Variants in KAT6B observed in about 807,000 individuals in gnomAD.
KAT6B encodes the protein lysine acetyltransferase 6B.
A neutral mutation model predicts 187.5 loss-of-function variants in KAT6B; 10 were observed. The observed-to-expected ratio is 0.05, with a 90% CI of 0.03 to 0.09. KAT6B has a LOEUF of 0.09. Among genes scored for constraint, KAT6B ranks in the 10% least tolerant of loss-of-function variants. The pLI is 1.00. For missense variants in KAT6B, 1,952 were observed against 2,558.9 expected (o/e 0.76, Z 5.12); for synonymous variants, 861 against 926.8 (o/e 0.93, Z 1.29).
chr10:75,001,482 T>A (rs1589786612), intron 13 of KAT6B, among the ~76,000 whole-genome samples: 1 of 117,298 alleles, frequency 8.5e-6, no homozygotes, highest in African/African-American at 5.6e-5. Flanking sequence ...TCATATCCAC[T>A]CTCTCAGAGA....
intron 3 of KAT6B, among the ~76,000 whole-genome samples, chr10:74,919,724 T>C (rs1827729805): frequency 6.6e-6 from 1 of 152,134 alleles, no homozygotes; most frequent in Admixed American, 6.6e-5. Flanking sequence ...TCTTTTAATC[T>C]CATTTTCAGT....
At chr10:74,916,659 T>G (rs537020994) in intron 3 of KAT6B, among the ~76,000 whole-genome samples, 13 of 152,318 alleles carry the variant, frequency 8.5e-5, no homozygotes, top group African/African-American at 3.1e-4. Flanking sequence ...ACACAATTGA[T>G]TTGGTGGGCA....
intron 3 of KAT6B, among the ~76,000 whole-genome samples, chr10:74,868,990 C>CA (rs1245712774): frequency 6.6e-6 from 1 of 152,186 alleles, no homozygotes; most frequent in Non-Finnish European, 1.5e-5. Context: ...TTCTGAACCA[C>CA]AGTTTTACAA....
intron 3 of KAT6B, among the ~76,000 whole-genome samples, chr10:74,920,604 C>T (rs1848037743): frequency 6.6e-6 from 1 of 152,018 alleles, no homozygotes; most frequent in East Asian, 1.9e-4. Context: ...AATACGTTTT[C>T]AACCAGATCA....
chr10:74,979,636 TA>T (rs79915119), intron 10 of KAT6B, among the ~76,000 whole-genome samples: 461 of 141,324 alleles, frequency 3.3e-3, no homozygotes, highest in African/African-American at 3.5e-3. Flanking sequence ...GAAACCAAAT[TA>T]AAAAAAAAAA....
At chr10:74,862,401 C>G (rs1843244162) in intron 3 of KAT6B, among the ~76,000 whole-genome samples, 1 of 152,056 alleles carries the variant, frequency 6.6e-6, no homozygotes, top group Non-Finnish European at 1.5e-5. Flanking sequence ...CCAGTGGTTC[C>G]CAAACTTTGC....
intron 3 of KAT6B, among the ~76,000 whole-genome samples, chr10:74,861,552 C>T (rs1282663476): frequency 1.3e-5 from 2 of 152,120 alleles, no homozygotes; most frequent in African/African-American, 2.4e-5. Context: ...AAAGGACTTG[C>T]CCAAGATTAC....
intron 4 of KAT6B, among the ~76,000 whole-genome samples, chr10:74,962,067 C>T (rs530311382): frequency 5.9e-5 from 9 of 152,230 alleles, no homozygotes; most frequent in East Asian, 5.8e-4. Flanking sequence ...CGATGGGATC[C>T]GGCTCTAGTG....
intron 3 of KAT6B, among the ~76,000 whole-genome samples, chr10:74,891,725 G>A (rs755978592): frequency 9.9e-5 from 15 of 152,216 alleles, no homozygotes; most frequent in Non-Finnish European, 2.2e-4. Flanking sequence ...GCAGATTGTG[G>A]TAGTGATCAG....
chr10:74,975,228 C>T (rs1302595937), intron 7 of KAT6B, among the ~76,000 whole-genome samples, 171 bp from the exon 8 acceptor site: 3 of 152,160 alleles, frequency 2.0e-5, no homozygotes, highest in Non-Finnish European at 2.9e-5. Context: ...CATGTAAATG[C>T]AGTTGCTGCT....
intron 4 of KAT6B, among the ~76,000 whole-genome samples, chr10:74,962,045 C>T (rs1267412716): frequency 2.0e-5 from 3 of 152,160 alleles, no homozygotes; most frequent in East Asian, 1.9e-4. Flanking sequence ...CAGAGTGCTT[C>T]TCTGGACTCT....
chr10:74,987,918 A>G (rs1842916640), intron 12 of KAT6B, among the ~76,000 whole-genome samples: 1 of 152,270 alleles, frequency 6.6e-6, no homozygotes, highest in South Asian at 2.1e-4. Flanking sequence ...GTGCACATCC[A>G]GTGAGGGACA....
intron 13 of KAT6B, among the ~76,000 whole-genome samples, chr10:75,014,863 A>G (rs1844872075): frequency 1.3e-5 from 2 of 152,154 alleles, no homozygotes; most frequent in Admixed American, 1.3e-4. Flanking sequence ...CCATTCTCCA[A>G]TTATCTTGCA....
At chr10:74,834,203 T>G (rs1841092631) in intron 1 of KAT6B, among the ~76,000 whole-genome samples, 2 of 139,882 alleles carry the variant, frequency 1.4e-5, no homozygotes, top group Admixed American at 7.7e-5. Context: ...TTTATTTCTG[T>G]TTTTTTTTTT....
chr10:74,895,599 G>C (rs1028524775), intron 3 of KAT6B, among the ~76,000 whole-genome samples: 1 of 151,998 alleles, frequency 6.6e-6, no homozygotes, highest in African/African-American at 2.4e-5. Flanking sequence ...GAGTGCAGTG[G>C]TGCAATCTCA....
chr10:74,845,503 CAG>C (rs1842030755), intron 3 of KAT6B, among the ~76,000 whole-genome samples: 1 of 116,956 alleles, frequency 8.6e-6, no homozygotes, highest in Admixed American at 1.2e-4. Flanking sequence ...GCCTGGGTGA[CAG>C]AGCGAGACTC....
At chr10:74,832,698 C>A (rs1357542157) in intron 1 of KAT6B, among the ~76,000 whole-genome samples, 1 of 151,886 alleles carries the variant, frequency 6.6e-6, no homozygotes, top group African/African-American at 2.4e-5. Flanking sequence ...TGGGGTTTCA[C>A]CATGTTGGCC....
Position 74,985,238 on chromosome 10 carries a change from T to C in KAT6B, c.2532T>C (p.Ser844=). Residue 844 remains serine, a synonymous_variant, in exon 12 of 18, where the codon TCT becomes TCC. Transcript: ENST00000287239. ...EKGCHLVGYF[S]KEKLCQQKYN... Reference sequence around the variant, plus strand: ...GCTGTCATCTGGTTGGATACTTCTCTAAGGTAAAACAAGAGCCAGCATGAC... The same window carrying C: ...GCTGTCATCTGGTTGGATACTTCTCCAAGGTAAAACAAGAGCCAGCATGAC... 6.2e-7 allele frequency: 1 copy of C among 1,614,080 alleles called. No individual in the cohort carries two copies. Among genetic ancestry groups the C allele is most frequent in the South Asian group, 1.1e-5 (1 of 91,074 alleles).
chr10:74,896,423 C>T (rs143616852), intron 3 of KAT6B, among the ~76,000 whole-genome samples: 41 of 152,052 alleles, frequency 2.7e-4, no homozygotes, highest in Admixed American at 2.2e-3. Flanking sequence ...TCTGAGTAGC[C>T]GGGACTACAG....
Sources: allele counts gnomAD v4.1 joint callset (sites outside exome capture counted in the v4.1 genomes callset), GRCh38; gene constraint gnomAD v4.1.1; transcripts MANE v1.5; gene names NCBI Gene and HGNC (gene_info 2026-07-23, HGNC 2026-07-21).